Variants in MICAL2 observed in about 807,000 individuals in gnomAD.
The protein encoded by MICAL2 is microtubule associated monooxygenase, calponin and LIM domain containing 2.
In MICAL2, 77 loss-of-function variants were observed where a neutral mutation model predicts 127.3. That is an observed-to-expected ratio of 0.60 (90% CI 0.50 to 0.73). The LOEUF is 0.73. Among genes scored for constraint, MICAL2 ranks in the 30% least tolerant of loss-of-function variants. The pLI, the probability that MICAL2 is intolerant of heterozygous loss-of-function variation, is 0.00. For missense variants in MICAL2, 1,351 were observed against 1,434.4 expected (o/e 0.94, Z 0.94); for synonymous variants, 570 against 551.1 (o/e 1.03, Z -0.48).
At chr11:12,294,792 A>T, downstream of MICAL2, 2 of 1,527,886 alleles carry the variant, frequency 1.3e-6, no homozygotes, top group Non-Finnish European at 8.7e-7. Context: ...TCCCTGCGCC[A>T]GGCAGCTCCT....
chr11:12,336,059 A>G (rs10831790), intron 32 of MICAL2, among the ~76,000 whole-genome samples: 33,382 of 152,106 alleles, frequency 0.22, 4,292 homozygotes, highest in African/African-American at 0.33. Context: ...GGCCATTCTC[A>G]TGATATTGAT....
At chr11:12,305,913 G>A (rs76415501) in intron 29 of MICAL2, among the ~76,000 whole-genome samples, 4,291 of 151,192 alleles carry the variant, frequency 0.028, 116 homozygotes, top group East Asian at 0.14. Flanking sequence ...GATTAAAGAC[G>A]TTTGATAGCT....
rs539297035 is a variant in MICAL2, at chr11:12,195,178, G to A, written c.265-9072G>A. Among the ~76,000 whole-genome samples the A allele has an allele frequency of 3.9e-5, 6 of 152,242 alleles. No homozygotes were observed. In the South Asian group the frequency reaches 6.2e-4, roughly 16 times the overall value. ...AGGTTGAGGTGGGAGGATCACTAGG[G>A]CCCAGGAGTTCGAGGCTGCAGTGAG... is the stretch of plus-strand genomic sequence containing the variant. On this transcript the variant is annotated intron_variant, in intron 3 of 27. Coordinates refer to ENST00000683283, the MANE Select transcript of MICAL2 (RefSeq NM_001282663.2).
At chr11:12,201,266 A>G (rs548581825) in intron 3 of MICAL2, among the ~76,000 whole-genome samples, 1 of 152,068 alleles carries the variant, frequency 6.6e-6, no homozygotes, top group Non-Finnish European at 1.5e-5. Flanking sequence ...ACTCTCTGGA[A>G]GGTTCCAACC....
At chr11:12,146,314 C>T (rs920780765) in intron 2 of MICAL2, among the ~76,000 whole-genome samples, 3 of 152,218 alleles carry the variant, frequency 2.0e-5, no homozygotes, top group Non-Finnish European at 2.9e-5. Flanking sequence ...GCAATCTACT[C>T]ATCTGACAAA....
At chr11:12,170,606 G>A (rs532426212) in intron 3 of MICAL2, among the ~76,000 whole-genome samples, 1 of 152,316 alleles carries the variant, frequency 6.6e-6, no homozygotes, top group East Asian at 1.9e-4. Flanking sequence ...TGGAGGATCT[G>A]TCCTATTAGT....
chr11:12,358,535 C>T (rs1939163793), downstream of MICAL2: 1 of 1,523,100 alleles, frequency 6.6e-7, no homozygotes, highest in Non-Finnish European at 9.0e-7. Context: ...AGGCCAAGTG[C>T]ACCACACACC....
At chr11:12,249,761 A>G (rs962528398) in intron 22 of MICAL2, among the ~76,000 whole-genome samples, 1 of 152,246 alleles carries the variant, frequency 6.6e-6, no homozygotes, top group East Asian at 1.9e-4. Context: ...GGCCAAACTC[A>G]GCGGAGAAGT....
At chr11:12,127,381 A>T (rs1851027613) in intron 1 of MICAL2, among the ~76,000 whole-genome samples, 1 of 152,220 alleles carries the variant, frequency 6.6e-6, no homozygotes, top group Non-Finnish European at 1.5e-5. Context: ...GGGTTGCAGC[A>T]GGGAAAAAAA....
At chr11:12,127,514 A>G (rs1851040699) in intron 1 of MICAL2, among the ~76,000 whole-genome samples, 1 of 152,168 alleles carries the variant, frequency 6.6e-6, no homozygotes, top group Non-Finnish European at 1.5e-5. Context: ...GCAGGGAAGG[A>G]GATGGTGTGT....
chr11:12,289,282 C>A (rs1863863693), downstream of MICAL2, among the ~76,000 whole-genome samples: 4 of 152,236 alleles, frequency 2.6e-5, no homozygotes, highest in Admixed American at 2.6e-4. Flanking sequence ...GAGACCCCTG[C>A]AGAAGGCAAG....
chr11:12,161,858 G>C (rs1328020382), intron 2 of MICAL2: 1 of 430,640 alleles, frequency 2.3e-6, no homozygotes, highest in Non-Finnish European at 4.2e-6. Flanking sequence ...GCCAGCAAGA[G>C]GAGCAGAGCA....
chr11:12,222,404 C>T (rs192647518), intron 10 of MICAL2, among the ~76,000 whole-genome samples: 1 of 152,332 alleles, frequency 6.6e-6, no homozygotes, highest in Admixed American at 6.5e-5. Context: ...CCAGCATCCC[C>T]GTCACCCAGG....
At chr11:12,116,343 T>C (rs1025498645) in intron 1 of MICAL2, among the ~76,000 whole-genome samples, 1 of 133,800 alleles carries the variant, frequency 7.5e-6, no homozygotes, top group Non-Finnish European at 1.5e-5. Context: ...GTTAGGCTCT[T>C]GATTTTGATT....
At chr11:12,239,341 C>A (rs948928510) in intron 16 of MICAL2, 95 bp from the exon 17 acceptor site, 5 of 1,540,254 alleles carry the variant, frequency 3.2e-6, no homozygotes, top group Admixed American at 1.7e-5. Context: ...AGCCCTTCTG[C>A]GGGAAGCTAG....
chr11:12,225,084 G>A (rs1409277775), intron 13 of MICAL2, among the ~76,000 whole-genome samples: 3 of 136,214 alleles, frequency 2.2e-5, no homozygotes, highest in Admixed American at 7.3e-5. Flanking sequence ...CTTCCCCCCC[G>A]AGCCCCATCA....
chr11:12,133,209 G>A (rs753671245), intron 1 of MICAL2, among the ~76,000 whole-genome samples: 3 of 152,318 alleles, frequency 2.0e-5, no homozygotes, highest in South Asian at 2.1e-4. Flanking sequence ...AGACTCCCAA[G>A]TAGCTGGGAT....
chr11:12,162,192 G>T lies in MICAL2; in HGVS notation c.37G>T (p.Gly13Trp). 6.2e-7 allele frequency: 1 copy of T among 1,614,216 alleles called. No homozygotes were observed. ...ENEDEKQAQA[G>W]QVFENFVQAS... The stretch of plus-strand genomic sequence containing the variant: ...CGAGGATGAGAAGCAGGCCCAGGCG[G>T]GGCAGGTTTTTGAGAACTTTGTCCA... Residue 13 changes from glycine (G) to tryptophan (W), a missense_variant, in exon 3 of 28, where the codon GGG (glycine) becomes TGG (tryptophan). By Grantham distance (184) the Gly-to-Trp change is radical (BLOSUM62 -2). Coordinates refer to ENST00000683283, the MANE Select transcript of MICAL2 (RefSeq NM_001282663.2).
chr11:12,130,203 G>C (rs1214619247), intron 1 of MICAL2, among the ~76,000 whole-genome samples: 1 of 152,188 alleles, frequency 6.6e-6, no homozygotes, highest in African/African-American at 2.4e-5. Context: ...GGAGACAATG[G>C]GGGAGAGCAT....
Sources: allele counts gnomAD v4.1 joint callset (sites outside exome capture counted in the v4.1 genomes callset), GRCh38; gene constraint gnomAD v4.1.1; transcripts MANE v1.5; gene names NCBI Gene and HGNC (gene_info 2026-07-23, HGNC 2026-07-21).